The following TMED10 variants were observed in gnomAD, a reference collection of about 807,000 sequenced individuals.
TMED10 encodes transmembrane p24 trafficking protein 10.
TMED10 carries 7 observed loss-of-function variants against 23.1 expected under a neutral mutation model. The ratio of observed to expected loss-of-function variants is 0.30; its 90% CI spans 0.17 to 0.57. The LOEUF (loss-of-function observed/expected upper bound fraction) is 0.57, where lower values mean the gene tolerates loss of function less well. Ranked by LOEUF, TMED10 falls within the 20% of genes least tolerant of loss-of-function variation. The pLI is 0.91. For synonymous variants in TMED10, 113 were observed against 106.9 expected (o/e 1.06, Z -0.35); for missense variants, 162 against 274.8 (o/e 0.59, Z 2.90).
rs572330419 is a variant in TMED10 at position 75,174,353 on chromosome 14, C to T, written c.225+2002G>A. 3.9e-5 allele frequency among the ~76,000 whole-genome samples: 6 copies of T among 152,242 alleles called. No homozygotes were observed. In the East Asian group the frequency reaches 1.2e-3, roughly 29 times the overall value. On this transcript the variant is annotated intron_variant, in intron 1 of 4. Transcript: ENST00000303575. Reference sequence around the variant, plus strand: ...ACAGATCATGAAGAGCACAACAAAGCATGTTGAGAAATTTAAACTATCAAT... The same window carrying T: ...ACAGATCATGAAGAGCACAACAAAGTATGTTGAGAAATTTAAACTATCAAT...
Position 75,161,968 on chromosome 14 carries a change from A to G in TMED10, c.226-9825T>C, listed in dbSNP as rs560777408. Among the ~76,000 whole-genome samples, 70 of 151,866 alleles carry G rather than the reference A, an allele frequency of 4.6e-4. 3 individuals are homozygous for G. The South Asian group carries it at 0.014, about 30-fold the overall frequency. On this transcript the variant is annotated intron_variant, in intron 1 of 4. Transcript: ENST00000303575. ...AAGGAAATGTACAAAATGAGCCTGGAGCATCTTATAGTGCCAGAAAGTAAG... is the reference window on the plus strand; with the variant it reads ...AAGGAAATGTACAAAATGAGCCTGGGGCATCTTATAGTGCCAGAAAGTAAG...
At chr14:75,172,348 C>G (rs1252280459) in intron 1 of TMED10, among the ~76,000 whole-genome samples, 5 of 151,318 alleles carry the variant, frequency 3.3e-5, no homozygotes, top group African/African-American at 1.2e-4. Context: ...CACTCTGTAG[C>G]CCAGGTAGGA....
At chr14:75,170,087 C>T (rs370562013) in intron 1 of TMED10, among the ~76,000 whole-genome samples, 12 of 151,536 alleles carry the variant, frequency 7.9e-5, no homozygotes, top group African/African-American at 2.4e-4. Flanking sequence ...ATTAGCCGGG[C>T]GTGGTGGCGG....
In TMED10 at chr14:75,176,593, C is replaced by A. The variant is rs922575912; in HGVS notation, c.-14G>T. 1 of 1,613,678 alleles carries A rather than the reference C, an allele frequency of 6.2e-7. No individual in the cohort carries two copies. The highest frequency in any genetic ancestry group is 1.1e-5 in the South Asian group (1 of 91,034). On this transcript the variant is annotated 5_prime_UTR_variant, in exon 1 of 5. Coordinates refer to ENST00000303575, the MANE Select transcript of TMED10 (RefSeq NM_006827.6). Reference sequence around the variant, plus strand: ...CAAACCAGACATGGTGCTGGAGACTCGTTCACCACCGAAGGCCTCAACCGC... The same window carrying A: ...CAAACCAGACATGGTGCTGGAGACTAGTTCACCACCGAAGGCCTCAACCGC...
Position 75,166,563 on chromosome 14 carries a change from G to T in TMED10, c.225+9792C>A, listed in dbSNP as rs149705319. Among the ~76,000 whole-genome samples, 11 of 152,314 alleles carry T rather than the reference G, an allele frequency of 7.2e-5. No individual in the cohort carries two copies. In the East Asian group the frequency reaches 2.1e-3, roughly 29 times the overall value. The stretch of plus-strand genomic sequence containing the variant: ...AAACTGGAAGCAGCCCCCTTCTCTA[G>T]ATCAGTTCAAAACAGGGAAGGCTGT... On this transcript the variant is annotated intron_variant, in intron 1 of 4. Transcript: ENST00000303575.
chr14:75,157,984 T>G (rs1896040832), intron 1 of TMED10, among the ~76,000 whole-genome samples: 1 of 151,578 alleles, frequency 6.6e-6, no homozygotes, highest in Non-Finnish European at 1.5e-5. Flanking sequence ...GTTACGTGGA[T>G]TTGAGAAATG....
intron 1 of TMED10, among the ~76,000 whole-genome samples, chr14:75,167,807 T>A (rs754399746): frequency 6.6e-6 from 1 of 152,110 alleles, no homozygotes; most frequent in Non-Finnish European, 1.5e-5. Context: ...ATCATGCCAC[T>A]GCACTCCAGC....
At chr14:75,171,184 G>A (rs912197374) in intron 1 of TMED10, among the ~76,000 whole-genome samples, 2 of 151,780 alleles carry the variant, frequency 1.3e-5, no homozygotes, top group Non-Finnish European at 2.9e-5. Flanking sequence ...CGGGGAAGGA[G>A]GGAGGAAGAG....
chr14:75,143,910 A>C (rs982236114), intron 3 of TMED10, among the ~76,000 whole-genome samples: 2 of 149,138 alleles, frequency 1.3e-5, no homozygotes, highest in African/African-American at 2.5e-5. Flanking sequence ...CTACAGCCTG[A>C]ATAACTGAGT....
intron 1 of TMED10, among the ~76,000 whole-genome samples, chr14:75,153,899 A>G (rs574103535): frequency 2.9e-4 from 43 of 149,968 alleles, no homozygotes; most frequent in African/African-American, 1.0e-3. Context: ...CCTCCCGAGT[A>G]GCTGGAACTA....
chr14:75,160,457 A>T (rs1307067932), intron 1 of TMED10, among the ~76,000 whole-genome samples: 1 of 152,188 alleles, frequency 6.6e-6, no homozygotes, highest in Non-Finnish European at 1.5e-5. Context: ...TTAAAAGGTC[A>T]TCTGGTTTCT....
In TMED10 at chr14:75,133,615, ATG is replaced by A. The variant is rs1895713394; in HGVS notation, c.*1268_*1269del. The A allele has an allele frequency of 6.5e-6, 1 of 152,892 alleles. No homozygotes were observed. 9.5% of individuals were successfully genotyped at this position (152,892 alleles called of 1,614,324 possible). ...GTAGGGTAGTTTCTTACAAAAATATATGTGTTTACCATACAACCCAACAGTTG... is the reference window on the plus strand; with the variant it reads ...GTAGGGTAGTTTCTTACAAAAATATATGTTTACCATACAACCCAACAGTTG... On this transcript the variant is annotated 3_prime_UTR_variant, in exon 5 of 5. Transcript: ENST00000303575.
chr14:75,176,329 C>G, intron 1 of TMED10, 26 bp downstream of exon 1: 2 of 1,612,664 alleles, frequency 1.2e-6, no homozygotes, highest in South Asian at 1.1e-5. Context: ...TCTTCCCTCC[C>G]GGCCCCACGT....
At chr14:75,161,299 A>C (rs1318101383) in intron 1 of TMED10, among the ~76,000 whole-genome samples, 1 of 152,216 alleles carries the variant, frequency 6.6e-6, no homozygotes, top group Non-Finnish European at 1.5e-5. Context: ...AGGATCTATA[A>C]GTAGCTTAGG....
intron 3 of TMED10, among the ~76,000 whole-genome samples, chr14:75,142,319 C>T (rs532454375): frequency 6.6e-6 from 1 of 152,234 alleles, no homozygotes; most frequent in Non-Finnish European, 1.5e-5. Context: ...CTAAAGATTC[C>T]ATAAAGTTAC....
chr14:75,143,966 T>C (rs892803893), intron 3 of TMED10, among the ~76,000 whole-genome samples: 4 of 148,502 alleles, frequency 2.7e-5, no homozygotes, highest in Admixed American at 6.7e-5. Context: ...TTGGATCTAG[T>C]ACATGGAATC....
At chr14:75,142,677 T>C (rs923553289) in intron 3 of TMED10, among the ~76,000 whole-genome samples, 2 of 152,184 alleles carry the variant, frequency 1.3e-5, no homozygotes, top group African/African-American at 2.4e-5. Context: ...GAAATTAAAA[T>C]GATTTATAGT....
chr14:75,134,019 C>A lies in TMED10; in HGVS notation c.*866G>T. On this transcript the variant is annotated 3_prime_UTR_variant, in exon 5 of 5. Coordinates refer to ENST00000303575, the MANE Select transcript of TMED10 (RefSeq NM_006827.6). Reference sequence around the variant, plus strand: ...CGTAAGATTACATTCTGTATGATTCCATTCATACAACATTCTTGAAATGAC... The same window carrying A: ...CGTAAGATTACATTCTGTATGATTCAATTCATACAACATTCTTGAAATGAC... 5.0e-6 allele frequency: 1 copy of A among 200,722 alleles called. No individual in the cohort carries two copies. Among genetic ancestry groups the A allele is most frequent in the Non-Finnish European group, 1.0e-5 (1 of 97,334 alleles). The allele number at this position is 200,722 out of a possible 1,614,324, so 12.4% of individuals were successfully genotyped here. A position where few individuals can be genotyped will look rare whatever the true frequency, so the allele number is the denominator to read the frequency against.
intron 1 of TMED10, among the ~76,000 whole-genome samples, chr14:75,153,490 T>C (rs1276084659): frequency 1.3e-5 from 2 of 152,210 alleles, no homozygotes; most frequent in Non-Finnish European, 2.9e-5. Flanking sequence ...AATTCCATGG[T>C]AATTTAACAG....
Sources: allele counts gnomAD v4.1 joint callset (sites outside exome capture counted in the v4.1 genomes callset), GRCh38; gene constraint gnomAD v4.1.1; transcripts MANE v1.5; gene names NCBI Gene and HGNC (gene_info 2026-07-23, HGNC 2026-07-21).